CALN1: variants seen among roughly 807,000 people sequenced by gnomAD.
CALN1 encodes the protein calneuron 1, also known as calcium-binding protein 8.
Under a neutral mutation model 30.6 loss-of-function variants are expected in CALN1, and 17 were observed. That is an observed-to-expected ratio of 0.56 (90% CI 0.38 to 0.83). The LOEUF (loss-of-function observed/expected upper bound fraction) is 0.83. CALN1 is among the 40% of genes least tolerant of loss of function. CALN1 has a pLI of 0.00. For synonymous variants in CALN1, 156 were observed against 131.4 expected, an observed-to-expected ratio of 1.19 and a Z score of -1.28; for missense variants, 291 against 354.9, an observed-to-expected ratio of 0.82 and a Z score of 1.45.
In CALN1 at chr7:72,181,096, A is replaced by ACCCCCCC. The variant is rs199527098; in HGVS notation, c.245-74809_245-74803dup. Among the ~76,000 whole-genome samples the ACCCCCCC allele has an allele frequency of 1.0e-3, 75 of 74,558 alleles. 3 individuals carry two copies. Among genetic ancestry groups the ACCCCCCC allele is most frequent in the Middle Eastern group, 0.016 (2 of 126 alleles). 48.9% of individuals were successfully genotyped at this position (74,558 alleles called of 152,430 possible). The stretch of plus-strand genomic sequence containing the variant: ...CTGGGCAACAGAGCGAAACTGCATA[A>ACCCCCCC]CCCCCCCCCCCCCCAAAAAAAAAAA... On this transcript the variant is annotated intron_variant, in intron 3 of 6. Coordinates refer to ENST00000395275, the MANE Select transcript of CALN1 (RefSeq NM_031468.4).
intron 5 of CALN1, among the ~76,000 whole-genome samples, chr7:71,877,091 A>T (rs937942946): frequency 2.6e-5 from 4 of 152,172 alleles, no homozygotes; most frequent in Admixed American, 6.5e-5. Flanking sequence ...GCTACAGCAT[A>T]AGAGCAACAC....
At chr7:72,086,191 G>A (rs1805471952) in intron 4 of CALN1, among the ~76,000 whole-genome samples, 1 of 152,074 alleles carries the variant, frequency 6.6e-6, no homozygotes, top group Non-Finnish European at 1.5e-5. Context: ...GATCACTTGT[G>A]TACATTAATG....
At chr7:72,380,991 GGA>G (rs1445225022) in intron 2 of CALN1, among the ~76,000 whole-genome samples, 1 of 152,146 alleles carries the variant, frequency 6.6e-6, no homozygotes, top group Admixed American at 6.5e-5. Flanking sequence ...AAGAAAATAA[GGA>G]GAGAGGAATG....
chr7:72,256,064 G>A (rs7779206), intron 3 of CALN1, among the ~76,000 whole-genome samples: 54,433 of 152,100 alleles, frequency 0.36, 10,690 homozygotes, highest in Middle Eastern at 0.55. Flanking sequence ...ATACGGAAGC[G>A]ATGGGCACTT....
At chr7:72,107,478 G>T (rs191276157) in intron 3 of CALN1, among the ~76,000 whole-genome samples, 1 of 152,288 alleles carries the variant, frequency 6.6e-6, no homozygotes, top group African/African-American at 2.4e-5. Context: ...GGTCAGCAAG[G>T]GCTGTTTCAC....
At position 72,403,319 on chromosome 7, in the gene CALN1, C is replaced by T. The variant is rs761713793; in HGVS notation, c.51G>A (p.Lys17=). ...PGEGKPENEK[K]GDGGALGGGE... ...CCCCTCCGAGGGCTCCTCCGTCCCCCTTTTTCTCATTCTCGGGCTTCCCCT... is the reference window on the plus strand; with the variant it reads ...CCCCTCCGAGGGCTCCTCCGTCCCCTTTTTTCTCATTCTCGGGCTTCCCCT... Residue 17 remains lysine, a synonymous_variant, in exon 2 of 7, where the codon AAG becomes AAA. Coordinates refer to ENST00000395275, the MANE Select transcript of CALN1 (RefSeq NM_031468.4). 4 of 1,550,116 alleles carry T rather than the reference C, an allele frequency of 2.6e-6. No individual in the cohort carries two copies. Among genetic ancestry groups the T allele is most frequent in the Admixed American group, 2.0e-5 (1 of 51,030 alleles).
chr7:71,898,866 C>G (rs186442155), intron 5 of CALN1, among the ~76,000 whole-genome samples: 2 of 152,254 alleles, frequency 1.3e-5, no homozygotes, highest in Admixed American at 6.5e-5. Flanking sequence ...ATAATATAAT[C>G]TCATTTGAAT....
intron 4 of CALN1, among the ~76,000 whole-genome samples, chr7:72,055,750 A>G (rs1803212066): frequency 6.6e-6 from 1 of 152,230 alleles, no homozygotes; most frequent in Non-Finnish European, 1.5e-5. Context: ...AGTGGCTCAC[A>G]TCTGTAATGC....
intron 1 of CALN1, among the ~76,000 whole-genome samples, chr7:72,406,683 C>T (rs1378458261): frequency 6.7e-6 from 1 of 150,154 alleles, no homozygotes; most frequent in Non-Finnish European, 1.5e-5. Context: ...GTAGCGTGAT[C>T]CCTGCTCACT....
chr7:72,352,401 A>C (rs1442813478), intron 2 of CALN1, among the ~76,000 whole-genome samples: 1 of 151,242 alleles, frequency 6.6e-6, no homozygotes, highest in African/African-American at 2.4e-5. Flanking sequence ...AAAAAAAAAA[A>C]AAAAAAACTT....
chr7:72,239,227 C>A (rs1017083338), intron 3 of CALN1, among the ~76,000 whole-genome samples: 1 of 152,050 alleles, frequency 6.6e-6, no homozygotes, highest in African/African-American at 2.4e-5. Flanking sequence ...CAAGACCCCA[C>A]CTTTCCAAAA....
chr7:71,837,860 T>C (rs1789712269), intron 5 of CALN1, among the ~76,000 whole-genome samples: 2 of 150,748 alleles, frequency 1.3e-5, no homozygotes, highest in Non-Finnish European at 2.9e-5. Flanking sequence ...AATTTTACCA[T>C]AACAAATTGG....
chr7:71,948,635 G>A (rs1282937416), intron 5 of CALN1, among the ~76,000 whole-genome samples: 2 of 151,490 alleles, frequency 1.3e-5, no homozygotes, highest in African/African-American at 4.9e-5. Flanking sequence ...GGAGGCTGAG[G>A]CATGAGAATC....
chr7:72,383,789 G>A (rs531245503), intron 2 of CALN1, among the ~76,000 whole-genome samples: 1 of 152,298 alleles, frequency 6.6e-6, no homozygotes, highest in East Asian at 1.9e-4. Context: ...AATCCATAGT[G>A]CAGCTAAGGG....
At chr7:72,406,350 T>A (rs563928630) in intron 1 of CALN1, among the ~76,000 whole-genome samples, 20 of 152,306 alleles carry the variant, frequency 1.3e-4, no homozygotes, top group Non-Finnish European at 2.5e-4. Flanking sequence ...AGGCACCTCC[T>A]GAGTCCTCAC....
At chr7:72,500,700 CTA>C in the CALN1 span, among the ~76,000 whole-genome samples, 1 of 151,218 alleles carries the variant, frequency 6.6e-6, no homozygotes, top group East Asian at 1.9e-4. Context: ...AAAAAAAAAA[CTA>C]AAACTGATAT....
At chr7:71,936,468 T>G (rs1795842837) in intron 5 of CALN1, among the ~76,000 whole-genome samples, 1 of 150,950 alleles carries the variant, frequency 6.6e-6, no homozygotes, top group African/African-American at 2.4e-5. Flanking sequence ...TACACCAAGC[T>G]GGAAGGGCCA....
intron 6 of CALN1, among the ~76,000 whole-genome samples, chr7:71,794,013 G>A (rs1786737401): frequency 6.6e-6 from 1 of 152,146 alleles, no homozygotes; most frequent in African/African-American, 2.4e-5. Context: ...TTTCTTTATT[G>A]AACACCAGCC....
At chr7:71,882,699 T>G (rs1792647534) in intron 5 of CALN1, among the ~76,000 whole-genome samples, 1 of 152,100 alleles carries the variant, frequency 6.6e-6, no homozygotes, top group Non-Finnish European at 1.5e-5. Context: ...AACAACTTTT[T>G]AAGAGATGGG....
Sources: gnomAD v4.1 joint callset for allele counts (sites outside exome capture counted in the v4.1 genomes callset) on GRCh38, gnomAD v4.1.1 for gene constraint, MANE v1.5 for transcripts, NCBI Gene and HGNC (gene_info 2026-07-23, HGNC 2026-07-21) for gene names.